The following ZNF804B variants were observed in gnomAD, a reference collection of about 807,000 sequenced individuals.
The protein encoded by ZNF804B is zinc finger 804B.
In ZNF804B, 80 loss-of-function variants were observed where a neutral mutation model predicts 101.4. That is an observed-to-expected ratio of 0.79 (90% CI 0.66 to 0.95). The LOEUF (loss-of-function observed/expected upper bound fraction) is 0.95, where lower values mean the gene tolerates loss of function less well. ZNF804B is among the 40% of genes least tolerant of loss of function. ZNF804B has a pLI of 0.00. For missense variants in ZNF804B, 1,673 were observed against 1,561.9 expected (o/e 1.07, Z -1.20); for synonymous variants, 622 against 558.8 (o/e 1.11, Z -1.59).
At chr7:88,824,604 T>C (rs544168159) in intron 1 of ZNF804B, among the ~76,000 whole-genome samples, 1 of 152,306 alleles carries the variant, frequency 6.6e-6, no homozygotes, top group African/African-American at 2.4e-5. Flanking sequence ...CAAATCAATG[T>C]TGTTTAAACA....
intron 1 of ZNF804B, among the ~76,000 whole-genome samples, chr7:89,022,342 A>G (rs969857300): frequency 7.2e-5 from 11 of 152,144 alleles, no homozygotes; most frequent in Non-Finnish European, 1.0e-4. Context: ...GAACTTTTAA[A>G]TAGGTATGTT....
At chr7:89,262,619 A>G (rs1204784261) in intron 2 of ZNF804B, among the ~76,000 whole-genome samples, 2 of 152,166 alleles carry the variant, frequency 1.3e-5, no homozygotes, top group African/African-American at 4.8e-5. Flanking sequence ...CCTCTTTCAT[A>G]CTTTCTGTCT....
chr7:89,184,906 C>A (rs1297244595), intron 1 of ZNF804B, among the ~76,000 whole-genome samples: 1 of 152,028 alleles, frequency 6.6e-6, no homozygotes, highest in African/African-American at 2.4e-5. Flanking sequence ...TCCAGAAAAT[C>A]TGGGAGAAAA....
chr7:88,898,963 T>C (rs551232989), intron 1 of ZNF804B, among the ~76,000 whole-genome samples: 1 of 152,250 alleles, frequency 6.6e-6, no homozygotes, highest in African/African-American at 2.4e-5. Flanking sequence ...CCTTGTCTCT[T>C]CTAGAGCCAA....
At chr7:88,789,908 A>G (rs1182993686) in intron 1 of ZNF804B, among the ~76,000 whole-genome samples, 1 of 152,074 alleles carries the variant, frequency 6.6e-6, no homozygotes, top group East Asian at 1.9e-4. Context: ...TGCCTTTTTT[A>G]TTAAATTTAT....
intron 1 of ZNF804B, among the ~76,000 whole-genome samples, chr7:88,855,524 A>G (rs373559829): frequency 2.2e-4 from 33 of 151,994 alleles, no homozygotes; most frequent in Non-Finnish European, 4.7e-4. Flanking sequence ...AGATGAGTAG[A>G]TTGCAAAAAT....
At chr7:89,160,952 C>A (rs1317205188) in intron 1 of ZNF804B, among the ~76,000 whole-genome samples, 2 of 152,166 alleles carry the variant, frequency 1.3e-5, no homozygotes, top group African/African-American at 4.8e-5. Context: ...ATATTTTGTG[C>A]TGTGTCCAAA....
At chr7:89,171,898 TA>T (rs1791242778) in intron 1 of ZNF804B, among the ~76,000 whole-genome samples, 2 of 152,150 alleles carry the variant, frequency 1.3e-5, no homozygotes. Flanking sequence ...ATAATTGAGT[TA>T]TTTTAGACTT....
chr7:88,796,263 C>T (rs973502724), intron 1 of ZNF804B, among the ~76,000 whole-genome samples: 29 of 151,724 alleles, frequency 1.9e-4, no homozygotes, highest in African/African-American at 6.5e-4. Flanking sequence ...TAATTTTTTC[C>T]CTGAGTTCTG....
chr7:89,154,292 A>G (rs146235044), intron 1 of ZNF804B, among the ~76,000 whole-genome samples: 187 of 152,288 alleles, frequency 1.2e-3, no homozygotes, highest in African/African-American at 4.1e-3. Flanking sequence ...GAGAATGTCA[A>G]TTAGTACATC....
At chr7:88,927,575 A>G (rs895507271) in intron 1 of ZNF804B, among the ~76,000 whole-genome samples, 33 of 152,116 alleles carry the variant, frequency 2.2e-4, no homozygotes, top group African/African-American at 7.7e-4. Context: ...TAAGACAAGT[A>G]TTGTCATAGG....
intron 1 of ZNF804B, among the ~76,000 whole-genome samples, chr7:89,206,688 G>T (rs928505627): frequency 6.6e-6 from 1 of 152,152 alleles, no homozygotes; most frequent in Non-Finnish European, 1.5e-5. Flanking sequence ...GGAGGTGGAA[G>T]TTGCAGTGAG....
rs1296175941 is a variant in ZNF804B, at chr7:89,190,135, A to G, written c.109-28020A>G. ...CTGCAGATATGGTTTTAATAGCAAG[A>G]AAACAGCCAGGCGCGGTGACGAAAC... On this transcript the variant is annotated intron_variant, in intron 1 of 3. Coordinates refer to ENST00000333190, the MANE Select transcript of ZNF804B (RefSeq NM_181646.5). Among the ~76,000 whole-genome samples, 3 of 152,116 alleles carry G rather than the reference A, an allele frequency of 2.0e-5. No homozygotes were observed. In the East Asian group the frequency reaches 5.8e-4, roughly 30 times the overall value.
chr7:89,231,722 CTGTT>C (rs1210608832), intron 2 of ZNF804B, among the ~76,000 whole-genome samples: 3 of 151,806 alleles, frequency 2.0e-5, no homozygotes, highest in Non-Finnish European at 4.4e-5. Context: ...ATTTGACTTT[CTGTT>C]TGTTGCCACT....
At chr7:89,064,351 A>C (rs1322175274) in intron 1 of ZNF804B, among the ~76,000 whole-genome samples, 2 of 152,178 alleles carry the variant, frequency 1.3e-5, no homozygotes, top group East Asian at 3.9e-4. Context: ...TGGGGCAGCA[A>C]GTCCTTCCTT....
intron 2 of ZNF804B, among the ~76,000 whole-genome samples, chr7:89,321,673 G>T (rs1790823546): frequency 6.6e-6 from 1 of 151,604 alleles, no homozygotes; most frequent in African/African-American, 2.4e-5. Context: ...TATACAGATG[G>T]TATTTTAAGT....
chr7:89,294,611 C>T (rs1433324099), intron 2 of ZNF804B, among the ~76,000 whole-genome samples: 1 of 151,440 alleles, frequency 6.6e-6, no homozygotes, highest in African/African-American at 2.4e-5. Context: ...TCAATGCTTC[C>T]CTTCTGTTCT....
chr7:89,267,731 C>T (rs559281009), intron 2 of ZNF804B, among the ~76,000 whole-genome samples: 26 of 152,160 alleles, frequency 1.7e-4, no homozygotes, highest in African/African-American at 6.3e-4. Flanking sequence ...TTTGCTTTTT[C>T]ATTTGAATAA....
rs114605132 is a variant in ZNF804B, at chr7:89,087,169, T to C, written c.109-130986T>C. ...CAAAATTGGTGTATATTTGGAAGCT[T>C]AAATGAATTTCATTTTTGGTAACGT... On this transcript the variant is annotated intron_variant, in intron 1 of 3. Transcript: ENST00000333190. Among the ~76,000 whole-genome samples, 1,157 of 152,026 alleles carry C rather than the reference T, an allele frequency of 7.6e-3. 19 individuals carry two copies. The highest frequency in any genetic ancestry group is 0.026 in the African/African-American group (1,093 of 41,500).
Sources: gnomAD v4.1 joint callset for allele counts (sites outside exome capture counted in the v4.1 genomes callset) on GRCh38, gnomAD v4.1.1 for gene constraint, MANE v1.5 for transcripts, NCBI Gene and HGNC (gene_info 2026-07-23, HGNC 2026-07-21) for gene names.